The following MB21D2 variants were observed in gnomAD, a reference collection of about 807,000 sequenced individuals.
MB21D2 encodes nucleotidyltransferase MB21D2.
MB21D2 carries 9 observed loss-of-function variants against 33.3 expected under a neutral mutation model. The observed-to-expected ratio is 0.27, with a 90% CI of 0.16 to 0.47. MB21D2 has a LOEUF of 0.47. MB21D2 is among the 20% of genes least tolerant of loss of function. The pLI is 0.99. For missense variants in MB21D2, 540 were observed against 624.6 expected (o/e 0.86, Z 1.44); for synonymous variants, 241 against 236.3 (o/e 1.02, Z -0.18).
Position 192,822,879 on chromosome 3 carries a change from C to T in MB21D2, c.212-23229G>A, listed in dbSNP as rs748503104. On this transcript the variant is annotated intron_variant, in intron 1 of 1. Coordinates refer to ENST00000392452, the MANE Select transcript of MB21D2 (RefSeq NM_178496.4). Reference sequence around the variant, plus strand: ...TCTCCTGATTCTTAAACGAGCACTCCGACACCCTGGTATCAGTCAAGTATT... The same window carrying T: ...TCTCCTGATTCTTAAACGAGCACTCTGACACCCTGGTATCAGTCAAGTATT... Among the ~76,000 whole-genome samples the T allele has an allele frequency of 3.9e-5, 6 of 152,192 alleles. No individual in the cohort carries two copies. The South Asian group carries it at 8.3e-4, about 21-fold the overall frequency.
rs114253916 is a variant in MB21D2 at position 192,851,000 on chromosome 3, A to G, written c.212-51350T>C. Among the ~76,000 whole-genome samples the G allele has an allele frequency of 8.7e-4, 133 of 152,310 alleles. 1 individual carries two copies. Among genetic ancestry groups the G allele is most frequent in the African/African-American group, 3.1e-3 (128 of 41,560 alleles). On this transcript the variant is annotated intron_variant, in intron 1 of 1. Coordinates refer to ENST00000392452, the MANE Select transcript of MB21D2 (RefSeq NM_178496.4). ...TCTGCTACTTATTGTTAGCTGTGTT[A>G]CCTATCTATGCCTTCTTCTTTACTG...
chr3:192,864,790 A>C (rs1008256361), intron 1 of MB21D2, among the ~76,000 whole-genome samples: 3 of 152,118 alleles, frequency 2.0e-5, no homozygotes, highest in African/African-American at 7.2e-5. Context: ...TACAGGTGTG[A>C]GCCACCATGC....
intron 1 of MB21D2, among the ~76,000 whole-genome samples, chr3:192,820,560 C>T (rs1015228908): frequency 1.3e-5 from 2 of 152,218 alleles, no homozygotes; most frequent in Non-Finnish European, 2.9e-5. Context: ...TTGATTCTCG[C>T]CTATAGACAG....
At chr3:192,905,635 CA>C (rs142676577) in intron 1 of MB21D2, among the ~76,000 whole-genome samples, 18,423 of 85,010 alleles carry the variant, frequency 0.22, 1,046 homozygotes, top group East Asian at 0.4. Flanking sequence ...CGCCCTGTCT[CA>C]AAAAAAAAAA....
At chr3:192,842,871 G>A (rs990690788) in intron 1 of MB21D2, among the ~76,000 whole-genome samples, 1 of 152,180 alleles carries the variant, frequency 6.6e-6, no homozygotes, top group African/African-American at 2.4e-5. Context: ...CCATTCTTGT[G>A]GAAATTATGG....
chr3:192,917,518 G>C (rs528505435), intron 1 of MB21D2, 112 bp downstream of exon 1: 9 of 1,107,764 alleles, frequency 8.1e-6, no homozygotes, highest in Non-Finnish European at 1.1e-5. Flanking sequence ...CAAGGCACCG[G>C]CTCGGGAAGG....
At chr3:192,898,519 A>T (rs1714025979) in intron 1 of MB21D2, among the ~76,000 whole-genome samples, 1 of 152,216 alleles carries the variant, frequency 6.6e-6, no homozygotes, top group South Asian at 2.1e-4. Flanking sequence ...CAAGGTATAT[A>T]CTTAAAGCTC....
At chr3:192,908,043 G>A (rs951781222) in intron 1 of MB21D2, among the ~76,000 whole-genome samples, 2 of 152,118 alleles carry the variant, frequency 1.3e-5, no homozygotes, top group Non-Finnish European at 2.9e-5. Flanking sequence ...TAGGTCTTAA[G>A]GAATGTAGAA....
In MB21D2 at chr3:192,798,318, T is replaced by C. The variant is rs1720565240; in HGVS notation, c.*68A>G. The C allele has an allele frequency of 1.1e-5, 16 of 1,519,106 alleles. No homozygotes were observed. The highest frequency in any genetic ancestry group is 6.2e-5 in the South Asian group (5 of 80,442). The allele number at this position is 1,519,106 out of a possible 1,614,324, so 94.1% of individuals were successfully genotyped here. A position where few individuals can be genotyped will look rare whatever the true frequency, so the allele number is the denominator to read the frequency against. ...GCTGGATATGTAAAAAACAGAAAGATAGCATCACAAACCACACGACACATT... is the reference window on the plus strand; with the variant it reads ...GCTGGATATGTAAAAAACAGAAAGACAGCATCACAAACCACACGACACATT... On this transcript the variant is annotated 3_prime_UTR_variant, in exon 2 of 2. Coordinates refer to ENST00000392452, the MANE Select transcript of MB21D2 (RefSeq NM_178496.4). The surrounding 1 kb of genome is among the most constrained non-coding windows in gnomAD (Gnocchi z 4.8).
chr3:192,836,491 G>A (rs537291321), intron 1 of MB21D2, among the ~76,000 whole-genome samples: 22 of 152,312 alleles, frequency 1.4e-4, no homozygotes, highest in Admixed American at 1.1e-3. Flanking sequence ...CTGTTAGAGG[G>A]AGTCCTAATT....
At position 192,799,204 on chromosome 3, in the gene MB21D2, T is replaced by C. The variant is rs758087457; in HGVS notation, c.658A>G (p.Ile220Val). 1.2e-6 allele frequency: 2 copies of C among 1,614,222 alleles called. No homozygotes were observed. Among genetic ancestry groups the C allele is most frequent in the Non-Finnish European group, 1.7e-6 (2 of 1,180,040 alleles). The stretch of plus-strand genomic sequence containing the variant: ...CTCCCTACACCCAGAATGATGGAGA[T>C]GATGGTCCCATTTTTTTCCACCTTT... ...VEKVEKNGTIISIILGVGSSR... is the reference protein window; with the variant it reads ...VEKVEKNGTIVSIILGVGSSR... Residue 220 changes from isoleucine to valine, a missense_variant, in exon 2 of 2, where the codon ATC becomes GTC. Transcript: ENST00000392452. The surrounding 1 kb of genome is among the most constrained non-coding windows in gnomAD (Gnocchi z 4.1).
chr3:192,843,203 G>T (rs923729810), intron 1 of MB21D2, among the ~76,000 whole-genome samples: 3 of 152,198 alleles, frequency 2.0e-5, no homozygotes, highest in Admixed American at 6.5e-5. Context: ...CCTGGACAGG[G>T]AGAGGCTCAA....
At chr3:192,834,954 C>T (rs1471566271) in intron 1 of MB21D2, among the ~76,000 whole-genome samples, 4 of 150,678 alleles carry the variant, frequency 2.7e-5, no homozygotes, top group South Asian at 2.1e-4. Flanking sequence ...GGACTACAGG[C>T]GCATGCCACC....
chr3:192,858,278 T>A (rs911265497), intron 1 of MB21D2, among the ~76,000 whole-genome samples: 1 of 152,100 alleles, frequency 6.6e-6, no homozygotes, highest in Non-Finnish European at 1.5e-5. Flanking sequence ...GACTTATGTC[T>A]CCCACCAGCT....
At chr3:192,875,006 T>A (rs1048273058) in intron 1 of MB21D2, among the ~76,000 whole-genome samples, 2 of 119,472 alleles carry the variant, frequency 1.7e-5, no homozygotes, top group African/African-American at 8.1e-5. Flanking sequence ...CTTTGTAAAC[T>A]GTCCCTATTA....
chr3:192,915,153 C>A (rs1714434021), intron 1 of MB21D2, among the ~76,000 whole-genome samples: 1 of 152,106 alleles, frequency 6.6e-6, no homozygotes, highest in African/African-American at 2.4e-5. Flanking sequence ...AGATACAGAA[C>A]AAAGCCAAGA....
In MB21D2 at chr3:192,798,670, G is replaced by T. The variant is rs186838840; in HGVS notation, c.1192C>A (p.Arg398=). The T allele has an allele frequency of 3.7e-5, 59 of 1,613,214 alleles. No individual in the cohort carries two copies. Among genetic ancestry groups the T allele is most frequent in the Non-Finnish European group, 4.8e-5 (57 of 1,180,034 alleles). ...LSEETVMLHA[R]KLSSVRSDPA... The stretch of plus-strand genomic sequence containing the variant: ...TCTGAGCGCACAGAGGACAGCTTCC[G>T]GGCGTGAAGCATGACTGTCTCCTCA... Residue 398 remains arginine (R), a synonymous_variant, in exon 2 of 2, where the codon CGG becomes AGG. Transcript: ENST00000392452. This position sits in a 1 kb window ranked among gnomAD's most constrained non-coding sequence, Gnocchi z 4.8.
intron 1 of MB21D2, among the ~76,000 whole-genome samples, chr3:192,853,022 C>CTCTCTG (rs1553858586): frequency 8.1e-6 from 1 of 123,252 alleles, no homozygotes; most frequent in African/African-American, 3.0e-5. Flanking sequence ...TCAGTTATCT[C>CTCTCTG]TCTCTGTCTC....
At chr3:192,838,629 C>T (rs904313817) in intron 1 of MB21D2, among the ~76,000 whole-genome samples, 5 of 152,028 alleles carry the variant, frequency 3.3e-5, no homozygotes, top group Admixed American at 1.3e-4. Flanking sequence ...GGGGTTTCAC[C>T]GTGCCAGCCA....
Sources: allele counts gnomAD v4.1 joint callset (sites outside exome capture counted in the v4.1 genomes callset), GRCh38; gene constraint gnomAD v4.1.1; non-coding constraint Gnocchi (gnomAD v3.1); transcripts MANE v1.5; gene names NCBI Gene and HGNC (gene_info 2026-07-23, HGNC 2026-07-21).